The following AAMP variants were observed in gnomAD, a reference collection of about 807,000 sequenced individuals.
AAMP encodes angio-associated migratory cell protein.
Under a neutral mutation model 51.1 loss-of-function variants are expected in AAMP, and 12 were observed. The observed-to-expected ratio is 0.23, with a 90% confidence interval of 0.15 to 0.38. The LOEUF is 0.38. Among genes scored for constraint, AAMP ranks in the 10% least tolerant of loss-of-function variants. The pLI, the probability that AAMP is intolerant of heterozygous loss-of-function variation, is 1.00. For synonymous variants in AAMP, 210 were observed against 218.7 expected, an observed-to-expected ratio of 0.96 and a Z score of 0.35; for missense variants, 418 against 557.2, an observed-to-expected ratio of 0.75 and a Z score of 2.52.
chr2:218,269,581 A>G, intron 1 of AAMP, 47 bp from the exon 2 acceptor site: 1 of 1,613,658 alleles, frequency 6.2e-7, no homozygotes, highest in African/African-American at 1.3e-5. Context: ...AGGCGGTAAG[A>G]GGTACGGAGA....
chr2:218,269,302 T>A, intron 2 of AAMP, 80 bp downstream of exon 2: 1 of 1,568,768 alleles, frequency 6.4e-7, no homozygotes, highest in Non-Finnish European at 8.7e-7. Context: ...GTGTCCCCCA[T>A]AACGTTCTGT....
Position 218,265,492 on chromosome 2 carries a change from T to C in AAMP, c.984-31A>G, listed in dbSNP as rs780964078. The C allele has an allele frequency of 6.4e-7, 1 of 1,574,270 alleles. No homozygotes were observed. Among genetic ancestry groups the C allele is most frequent in the South Asian group, 1.1e-5 (1 of 88,964 alleles). ...CAGAGGAGCGTACCATGAAGACTCATGAGGGCCTGGACTCACACGCCCTGC... is the reference window on the plus strand; with the variant it reads ...CAGAGGAGCGTACCATGAAGACTCACGAGGGCCTGGACTCACACGCCCTGC... On this transcript the variant is annotated intron_variant, in intron 8 of 10. Transcript: ENST00000248450. This position sits in a 1 kb window ranked among gnomAD's most constrained non-coding sequence, Gnocchi z 6.6.
chr2:218,269,377 C>T lies in AAMP; in HGVS notation c.274+5G>A, dbSNP rs1690724805. The T allele has an allele frequency of 6.2e-7, 1 of 1,613,748 alleles. No homozygotes were observed. Among genetic ancestry groups the T allele is most frequent in the South Asian group, 1.1e-5 (1 of 91,082 alleles). On this transcript the variant is annotated splice_donor_5th_base_variant and intron_variant, in intron 2 of 10. Transcript: ENST00000248450. ...GATTTGAGGTGGATCGCCTCAAAGA[C>T]CTACCTGAGTGCAATGCAAAGGTGA... is the stretch of plus-strand genomic sequence containing the variant.
In AAMP at chr2:218,266,182, G is replaced by A. The variant is rs148400911; in HGVS notation, c.680-35C>T. On this transcript the variant is annotated intron_variant, in intron 5 of 10. Coordinates refer to ENST00000248450, the MANE Select transcript of AAMP (RefSeq NM_001087.5). This position sits in a 1 kb window ranked among gnomAD's most constrained non-coding sequence, Gnocchi z 4.7. ...GGCACAGATGAAGAGAGGGCAGAGG[G>A]CACGCTCACATACACTAAGCAAGGG... The A allele has an allele frequency of 7.6e-6, 12 of 1,583,782 alleles. No individual in the cohort carries two copies. Among genetic ancestry groups the A allele is most frequent in the Middle Eastern group, 3.3e-4 (2 of 5,986 alleles).
chr2:218,267,699 T>C lies in AAMP; in HGVS notation c.275-86A>G. ...CACAATCTTCAGGAAACCCACCCCCTTTCACCCAAAGCGTGTCTTTCCTCC... is the reference window on the plus strand; with the variant it reads ...CACAATCTTCAGGAAACCCACCCCCCTTCACCCAAAGCGTGTCTTTCCTCC... On this transcript the variant is annotated intron_variant, in intron 2 of 10. Coordinates refer to ENST00000248450, the MANE Select transcript of AAMP (RefSeq NM_001087.5). This position sits in a 1 kb window ranked among gnomAD's most constrained non-coding sequence, Gnocchi z 4.6. 1 of 1,543,720 alleles carries C rather than the reference T, an allele frequency of 6.5e-7. No individual in the cohort carries two copies. Among genetic ancestry groups the C allele is most frequent in the Non-Finnish European group, 8.9e-7 (1 of 1,124,424 alleles).
chr2:218,264,704 A>G (rs535475869), intron 10 of AAMP, 96 bp from the exon 11 acceptor site: 1 of 1,127,642 alleles, frequency 8.9e-7, no homozygotes, highest in Admixed American at 1.7e-5. Flanking sequence ...CCTCAGTTCT[A>G]GGGCCCTAGT....
At position 218,265,738 on chromosome 2, in the gene AAMP, A is replaced by C; in HGVS notation, c.880-56T>G. The C allele has an allele frequency of 6.3e-7, 1 of 1,586,828 alleles. No individual in the cohort carries two copies. Among genetic ancestry groups the C allele is most frequent in the Middle Eastern group, 1.7e-4 (1 of 6,030 alleles). ...CGGAATCCGGGTGCTTGATGGAGAG[A>C]AAGACGGTGGGGAGAGGAGACAGTG... On this transcript the variant is annotated intron_variant, in intron 7 of 10. Coordinates refer to ENST00000248450, the MANE Select transcript of AAMP (RefSeq NM_001087.5). The surrounding 1 kb of genome is among the most constrained non-coding windows in gnomAD (Gnocchi z 6.6).
Position 218,269,402 on chromosome 2 carries a change from A to T in AAMP, c.254T>A (p.Val85Asp), listed in dbSNP as rs1285421347. The part of the protein sequence containing the change: ...GSMEGPDDSE[V>D]TFALHSASVF... The stretch of plus-strand genomic sequence containing the variant: ...CCTACCTGAGTGCAATGCAAAGGTG[A>T]CCTCGCTATCGTCGGGGCCCTCCAT... Residue 85 changes from valine to aspartate, a missense_variant, in exon 2 of 11, where the codon GTC becomes GAC. Physicochemically the swap from Val to Asp is radical, Grantham distance 152 (BLOSUM62 -3). Transcript: ENST00000248450. 6.2e-7 allele frequency: 1 copy of T among 1,613,964 alleles called. No individual in the cohort carries two copies. The highest frequency in any genetic ancestry group is 8.5e-7 in the Non-Finnish European group (1 of 1,180,032).
In AAMP at chr2:218,265,510, C is replaced by A; in HGVS notation, c.984-49G>T. ...AGACTCATGAGGGCCTGGACTCACA[C>A]GCCCTGCCGTCCTCCCGGGCCCCCA... On this transcript the variant is annotated intron_variant, in intron 8 of 10. Coordinates refer to ENST00000248450, the MANE Select transcript of AAMP (RefSeq NM_001087.5). The surrounding 1 kb of genome is among the most constrained non-coding windows in gnomAD (Gnocchi z 6.6). The A allele has an allele frequency of 1.9e-6, 3 of 1,564,574 alleles. No individual in the cohort carries two copies. Among genetic ancestry groups the A allele is most frequent in the Non-Finnish European group, 2.6e-6 (3 of 1,138,172 alleles).
chr2:218,269,720 G>C (rs1304514782), intron 1 of AAMP, 186 bp from the exon 2 acceptor site: 1 of 1,098,464 alleles, frequency 9.1e-7, no homozygotes, highest in African/African-American at 1.6e-5. Context: ...GAGACCGTGC[G>C]GTAAGGGAGG....
rs761362201 is a variant in AAMP, at chr2:218,264,312, C to T, written c.*221G>A. 1.2e-5 allele frequency: 7 copies of T among 566,966 alleles called. No homozygotes were observed. The highest frequency in any genetic ancestry group is 2.2e-5 in the Non-Finnish European group (7 of 316,924). 35.1% of individuals were successfully genotyped at this position (566,966 alleles called of 1,614,324 possible). On this transcript the variant is annotated 3_prime_UTR_variant, in exon 11 of 11. Transcript: ENST00000248450. ...TGAAAGAGAAACAGGTCCACCCCTCCCTCTGAAGGGCCCACCAGGTCTGGA... is the reference window on the plus strand; with the variant it reads ...TGAAAGAGAAACAGGTCCACCCCTCTCTCTGAAGGGCCCACCAGGTCTGGA...
chr2:218,266,185 C>T lies in AAMP; in HGVS notation c.680-38G>A, dbSNP rs372929094. On this transcript the variant is annotated intron_variant, in intron 5 of 10. Coordinates refer to ENST00000248450, the MANE Select transcript of AAMP (RefSeq NM_001087.5). This position sits in a 1 kb window ranked among gnomAD's most constrained non-coding sequence, Gnocchi z 4.7. ...ACAGATGAAGAGAGGGCAGAGGGCA[C>T]GCTCACATACACTAAGCAAGGGAAT... 7 of 1,566,398 alleles carry T rather than the reference C, an allele frequency of 4.5e-6. No homozygotes were observed. Among genetic ancestry groups the T allele is most frequent in the South Asian group, 1.1e-5 (1 of 90,024 alleles).
intron 2 of AAMP, among the ~76,000 whole-genome samples, chr2:218,268,826 G>A (rs1287702264): frequency 6.6e-6 from 1 of 151,730 alleles, no homozygotes; most frequent in Non-Finnish European, 1.5e-5. Context: ...AACCTCCCGA[G>A]GAGCTGGGAC....
rs368000698 is a variant in AAMP, at chr2:218,266,621, G to A, written c.535-34C>T. On this transcript the variant is annotated intron_variant, in intron 4 of 10. Transcript: ENST00000248450. This position sits in a 1 kb window ranked among gnomAD's most constrained non-coding sequence, Gnocchi z 4.7. ...GGAGGAAGGGGCAGCAGGGAGGCCC[G>A]TCACCCCATCCCACCTAGAAGCCTG... The A allele has an allele frequency of 3.1e-4, 491 of 1,594,826 alleles. 5 individuals carry two copies. In the South Asian group the frequency reaches 3.8e-3, roughly 12 times the overall value.
At position 218,265,836 on chromosome 2, in the gene AAMP, C is replaced by T. The variant is rs763180945; in HGVS notation, c.874G>A (p.Gly292Ser). 1.5e-5 allele frequency: 24 copies of T among 1,611,350 alleles called. No individual in the cohort carries two copies. The highest frequency in any genetic ancestry group is 1.0e-4 in the Admixed American group (6 of 59,950). Residue 292 changes from glycine (G) to serine (S), a missense_variant, in exon 7 of 11, where the codon GGC (glycine) becomes AGC (serine). By Grantham distance (56) the Gly-to-Ser change is moderately conservative (BLOSUM62 0). Coordinates refer to ENST00000248450, the MANE Select transcript of AAMP (RefSeq NM_001087.5). The surrounding 1 kb of genome is among the most constrained non-coding windows in gnomAD (Gnocchi z 6.6). ...CQAKLVSATT[G>S]KVVGVFRPET... ...CGGGCTCCAGGTCCACTCACCTTGC[C>T]GGTGGTGGCACTGACCAGCTTGGCC...
In AAMP at chr2:218,265,632, T is replaced by C; in HGVS notation, c.930A>G (p.Gly310=). Residue 310 remains glycine (G), a synonymous_variant, in exon 8 of 11, where the codon GGA becomes GGG. Coordinates refer to ENST00000248450, the MANE Select transcript of AAMP (RefSeq NM_001087.5). The surrounding 1 kb of genome is among the most constrained non-coding windows in gnomAD (Gnocchi z 6.6). ...PETVASQPSL[G]EGEESESNSV... ...AGTTGGACTCACTCTCCTCCCCTTC[T>C]CCCAGGCTGGGCTGGGAGGCCACAG... 1 of 1,613,678 alleles carries C rather than the reference T, an allele frequency of 6.2e-7. No individual in the cohort carries two copies. Among genetic ancestry groups the C allele is most frequent in the South Asian group, 1.1e-5 (1 of 91,076 alleles).
At chr2:218,269,663 G>T in intron 1 of AAMP, 129 bp from the exon 2 acceptor site, 1 of 1,496,302 alleles carries the variant, frequency 6.7e-7, no homozygotes, top group Non-Finnish European at 9.1e-7. Context: ...ACACACCGGG[G>T]TCCGCGGGGG....
chr2:218,264,952 G>T, intron 10 of AAMP, 68 bp downstream of exon 10: 1 of 1,600,054 alleles, frequency 6.2e-7, no homozygotes. Context: ...CAAGGATCCT[G>T]TGTCCCCTAC....
At position 218,269,427 on chromosome 2, in the gene AAMP, T is replaced by C. The variant is rs767282798; in HGVS notation, c.229A>G (p.Met77Val). The change falls in exon 2 of 11, where the codon ATG becomes GTG. Residue 77 changes from methionine (M) to valine (V), a missense_variant. Met to Val is a conservative substitution (Grantham distance 21). Transcript: ENST00000248450. ...ACCTCGCTATCGTCGGGGCCCTCCA[T>C]GCTGCCGACCACCCCTTCCTGGGGT... The part of the protein sequence containing the change: ...LEPQEGVVGS[M>V]EGPDDSEVTF... The C allele has an allele frequency of 1.2e-6, 2 of 1,614,180 alleles. No individual in the cohort carries two copies. The highest frequency in any genetic ancestry group is 1.1e-5 in the South Asian group (1 of 91,086).
Sources: gnomAD v4.1 joint callset for allele counts (sites outside exome capture counted in the v4.1 genomes callset) on GRCh38, gnomAD v4.1.1 for gene constraint, Gnocchi (gnomAD v3.1) non-coding constraint, MANE v1.5 for transcripts, NCBI Gene and HGNC (gene_info 2026-07-23, HGNC 2026-07-21) for gene names.